Variants in CSTPP1 observed in about 807,000 individuals in gnomAD.
CSTPP1 encodes the protein UPF0705 protein C11orf49.
At chr11:47,043,106 C>T in the CSTPP1 span, among the ~76,000 whole-genome samples, 136 of 152,298 alleles carry the variant, frequency 8.9e-4, no homozygotes, top group African/African-American at 3.2e-3. Flanking sequence ...GCGTAGGTAA[C>T]TGAAAGCTCA....
the CSTPP1 span, among the ~76,000 whole-genome samples, chr11:47,084,479 T>C: frequency 6.6e-6 from 1 of 152,212 alleles, no homozygotes; most frequent in Non-Finnish European, 1.5e-5. Flanking sequence ...GCTGTGACAG[T>C]GTTACCCTAT....
chr11:46,940,991 G>C, the CSTPP1 span, among the ~76,000 whole-genome samples: 1 of 152,150 alleles, frequency 6.6e-6, no homozygotes, highest in African/African-American at 2.4e-5. Context: ...TTTCAGGAAG[G>C]CCAATTCAGT....
the CSTPP1 span, chr11:47,052,303 G>C: frequency 1.3e-6 from 2 of 1,491,944 alleles, no homozygotes; most frequent in South Asian, 1.4e-5. Flanking sequence ...TTTTGGCAGT[G>C]GTTCTCTCTG....
chr11:47,155,261 G>A, the CSTPP1 span: 1 of 1,612,870 alleles, frequency 6.2e-7, no homozygotes, highest in Non-Finnish European at 8.5e-7. Flanking sequence ...TTACTACTCA[G>A]GTGAGTGTTC....
At chr11:47,088,782 G>C in the CSTPP1 span, among the ~76,000 whole-genome samples, 8 of 152,202 alleles carry the variant, frequency 5.3e-5, no homozygotes, top group Admixed American at 5.2e-4. Context: ...CTGACCTCAA[G>C]TGATCCACCT....
At chr11:47,053,689 C>A in the CSTPP1 span, among the ~76,000 whole-genome samples, 1 of 151,862 alleles carries the variant, frequency 6.6e-6, no homozygotes, top group South Asian at 2.1e-4. Context: ...CACCTGTAAT[C>A]CCAGCATTTT....
chr11:47,158,003 C>T, the CSTPP1 span: 6 of 1,272,840 alleles, frequency 4.7e-6, no homozygotes, highest in African/African-American at 1.5e-5. Flanking sequence ...AACACGGCTC[C>T]AGAGGGGAAG....
At chr11:47,027,149 T>TA in the CSTPP1 span, among the ~76,000 whole-genome samples, 2,645 of 152,186 alleles carry the variant, frequency 0.017, 185 homozygotes, top group East Asian at 0.13. Flanking sequence ...ACCAGCCTTA[T>TA]AAAAAAAGAT....
At chr11:47,078,065 C>T in the CSTPP1 span, among the ~76,000 whole-genome samples, 1 of 152,064 alleles carries the variant, frequency 6.6e-6, no homozygotes, top group Non-Finnish European at 1.5e-5. Context: ...AAAAGATGGA[C>T]AGATGGGAAG....
At chr11:47,028,592 T>C in the CSTPP1 span, among the ~76,000 whole-genome samples, 1 of 152,198 alleles carries the variant, frequency 6.6e-6, no homozygotes, top group Non-Finnish European at 1.5e-5. Context: ...GAAGCTGGTG[T>C]GTAAGGCAAC....
At chr11:47,070,065 C>T in the CSTPP1 span, among the ~76,000 whole-genome samples, 2 of 152,086 alleles carry the variant, frequency 1.3e-5, no homozygotes, top group Non-Finnish European at 2.9e-5. Flanking sequence ...TAACACACAA[C>T]GTTATTAAAC....
the CSTPP1 span, among the ~76,000 whole-genome samples, chr11:46,998,889 C>T: frequency 1.3e-5 from 2 of 152,180 alleles, no homozygotes; most frequent in South Asian, 4.2e-4. Flanking sequence ...GTGCCCGCCA[C>T]ATGCCCGGCT....
chr11:47,105,358 G>A, the CSTPP1 span, among the ~76,000 whole-genome samples: 2 of 152,032 alleles, frequency 1.3e-5, no homozygotes, highest in Non-Finnish European at 2.9e-5. Flanking sequence ...AATTTTAAAA[G>A]TAGTTGGGCG....
chr11:47,094,673 T>G, the CSTPP1 span, among the ~76,000 whole-genome samples: 1 of 152,234 alleles, frequency 6.6e-6, no homozygotes, highest in African/African-American at 2.4e-5. Flanking sequence ...CAAATACAAT[T>G]CAGTTATTTA....
chr11:47,157,747 A>C, the CSTPP1 span: 1 of 1,498,018 alleles, frequency 6.7e-7, no homozygotes, highest in African/African-American at 1.4e-5. Flanking sequence ...CATGAACCTG[A>C]AAGTATGGAT....
At chr11:47,149,266 G>C in the CSTPP1 span, among the ~76,000 whole-genome samples, 1 of 152,202 alleles carries the variant, frequency 6.6e-6, no homozygotes, top group African/African-American at 2.4e-5. Flanking sequence ...GATTTGTGCA[G>C]ACTCTCACTG....
At chr11:47,072,877 A>ATTGT in the CSTPP1 span, among the ~76,000 whole-genome samples, 1 of 152,230 alleles carries the variant, frequency 6.6e-6, no homozygotes, top group Non-Finnish European at 1.5e-5. Flanking sequence ...AATGATGAGC[A>ATTGT]AATATGTGAT....
the CSTPP1 span, chr11:47,154,600 T>G: frequency 6.5e-6 from 1 of 153,282 alleles, no homozygotes; most frequent in Non-Finnish European, 1.5e-5. Context: ...AAGTGCAGAT[T>G]CCCCAATAGC....
At chr11:47,021,560 C>A in the CSTPP1 span, among the ~76,000 whole-genome samples, 2 of 152,162 alleles carry the variant, frequency 1.3e-5, no homozygotes, top group African/African-American at 4.8e-5. Context: ...GAATGGGCAG[C>A]TTGAGTTACA....
Sources: allele counts gnomAD v4.1 joint callset (sites outside exome capture counted in the v4.1 genomes callset), GRCh38; gene constraint gnomAD v4.1.1; transcripts MANE v1.5; gene names NCBI Gene and HGNC (gene_info 2026-07-23, HGNC 2026-07-21).